TRPM3: variants seen among roughly 807,000 people sequenced by gnomAD.
TRPM3 encodes the protein long transient receptor potential channel 3.
Under a neutral mutation model 181.2 loss-of-function variants are expected in TRPM3, and 77 were observed. The observed-to-expected ratio is 0.42, with a 90% CI of 0.35 to 0.51. TRPM3 has a LOEUF of 0.51. Ranked by LOEUF, TRPM3 falls within the 20% of genes least tolerant of loss-of-function variation. The probability of loss-of-function intolerance (pLI) is 0.01; values close to 1 mark genes in which losing one functional copy is unlikely to be tolerated. For missense variants in TRPM3, 1,759 were observed against 2,196.7 expected (o/e 0.80, Z 3.98); for synonymous variants, 745 against 796.4 (o/e 0.94, Z 1.09).
At chr9:71,047,810 TCACACACACACACACACACACACACA>T (rs56653631) in intron 1 of TRPM3, among the ~76,000 whole-genome samples, 3 of 141,528 alleles carry the variant, frequency 2.1e-5, no homozygotes, top group Non-Finnish European at 4.6e-5. Context: ...ACTGGCTGCA[TCACACACACACACACACACACACACA>T]CACACACACA....
At chr9:71,392,880 A>G (rs1292034711) in intron 1 of TRPM3, among the ~76,000 whole-genome samples, 1 of 152,180 alleles carries the variant, frequency 6.6e-6, no homozygotes, top group South Asian at 2.1e-4. Flanking sequence ...TAATCATCAA[A>G]TGTTTTAGAG....
intron 1 of TRPM3, among the ~76,000 whole-genome samples, chr9:71,252,031 G>A (rs2082373754): frequency 1.3e-5 from 2 of 152,066 alleles, no homozygotes; most frequent in South Asian, 2.1e-4. Context: ...CCAATGATAA[G>A]ATCTCATTCT....
intron 1 of TRPM3, among the ~76,000 whole-genome samples, chr9:71,391,202 A>G (rs1420856191): frequency 6.6e-6 from 1 of 151,964 alleles, no homozygotes; most frequent in Non-Finnish European, 1.5e-5. Flanking sequence ...AATCTTTTAC[A>G]TGTTCTCTTA....
At chr9:70,998,459 G>T (rs748246118) in intron 1 of TRPM3, among the ~76,000 whole-genome samples, 2 of 151,954 alleles carry the variant, frequency 1.3e-5, no homozygotes, top group African/African-American at 2.4e-5. Flanking sequence ...AACACCCCCT[G>T]AGGGAGGTGA....
At chr9:70,552,306 C>G (rs2046659881) in intron 24 of TRPM3, among the ~76,000 whole-genome samples, 1 of 152,152 alleles carries the variant, frequency 6.6e-6, no homozygotes, top group Non-Finnish European at 1.5e-5. Context: ...AATAGAACCT[C>G]CTTTTAGAAA....
chr9:70,919,320 C>A (rs1306601026), intron 1 of TRPM3, among the ~76,000 whole-genome samples: 1 of 152,154 alleles, frequency 6.6e-6, no homozygotes, highest in Non-Finnish European at 1.5e-5. Context: ...TCAAACTGAG[C>A]CTTGTCCTAG....
At chr9:70,819,499 G>A (rs2092984516) in intron 6 of TRPM3, among the ~76,000 whole-genome samples, 1 of 152,038 alleles carries the variant, frequency 6.6e-6, no homozygotes, top group African/African-American at 2.4e-5. Context: ...TACTCTAGGT[G>A]GCTTCAACAG....
chr9:70,761,024 T>TA, intron 8 of TRPM3: 1 of 165,346 alleles, frequency 6.0e-6, no homozygotes, highest in Non-Finnish European at 1.3e-5. Context: ...AATGTTTGAG[T>TA]AAGCAGAGAA....
At chr9:71,055,867 C>G (rs2060598581) in intron 1 of TRPM3, among the ~76,000 whole-genome samples, 1 of 152,022 alleles carries the variant, frequency 6.6e-6, no homozygotes, top group Admixed American at 6.6e-5. Flanking sequence ...ACCCCTTTCT[C>G]TCTGTTGCTT....
At chr9:70,909,310 A>T (rs2096510558) in intron 1 of TRPM3, among the ~76,000 whole-genome samples, 1 of 152,106 alleles carries the variant, frequency 6.6e-6, no homozygotes, top group Non-Finnish European at 1.5e-5. Flanking sequence ...TCCACATAGG[A>T]CCTTACATTT....
At chr9:71,366,953 T>C (rs569724595) in intron 1 of TRPM3, among the ~76,000 whole-genome samples, 1 of 152,232 alleles carries the variant, frequency 6.6e-6, no homozygotes, top group South Asian at 2.1e-4. Context: ...AGTATTTAAT[T>C]TGCTGTTTTT....
chr9:70,661,285 A>G (rs1048258750), intron 9 of TRPM3, among the ~76,000 whole-genome samples: 8 of 152,248 alleles, frequency 5.3e-5, no homozygotes, highest in African/African-American at 1.9e-4. Context: ...GAAGGGACTT[A>G]CTTTAAAGTA....
chr9:71,182,514 A>G (rs1054349340), intron 1 of TRPM3, among the ~76,000 whole-genome samples: 4 of 152,102 alleles, frequency 2.6e-5, no homozygotes, highest in Non-Finnish European at 4.4e-5. Context: ...AAATGGCTCT[A>G]AACTTCATAA....
chr9:71,340,467 C>CTTGTGACAGTGAATA (rs1350078577), intron 1 of TRPM3, among the ~76,000 whole-genome samples: 1 of 152,034 alleles, frequency 6.6e-6, no homozygotes, highest in Non-Finnish European at 1.5e-5. Context: ...TCATGCTATT[C>CTTGTGACAGTGAATA]TTGTGACAGT....
At chr9:70,924,467 G>A (rs976168286) in intron 1 of TRPM3, among the ~76,000 whole-genome samples, 1 of 152,024 alleles carries the variant, frequency 6.6e-6, no homozygotes, top group Admixed American at 6.6e-5. Flanking sequence ...TCCATTTCCA[G>A]TATTTCAACA....
chr9:71,274,754 C>CT (rs1056088807), intron 1 of TRPM3, among the ~76,000 whole-genome samples: 3 of 152,198 alleles, frequency 2.0e-5, no homozygotes, highest in African/African-American at 4.8e-5. Flanking sequence ...AGGCATGCCA[C>CT]TTTATTTCTC....
chr9:70,790,430 T>A (rs1463128017), intron 6 of TRPM3, among the ~76,000 whole-genome samples: 1 of 152,210 alleles, frequency 6.6e-6, no homozygotes, highest in East Asian at 1.9e-4. Context: ...AGCTAAAGCA[T>A]GTCCCAGTAA....
rs764198698 is a variant in TRPM3, at chr9:70,827,984, A to C, written c.836T>G (p.Met279Arg). 1 of 1,614,048 alleles carries C rather than the reference A, an allele frequency of 6.2e-7. No individual in the cohort carries two copies. The highest frequency in any genetic ancestry group is 1.1e-5 in the South Asian group (1 of 91,062). The change falls in exon 6 of 26, where the codon ATG (methionine) becomes AGG (arginine). Residue 279 changes from methionine (M) to arginine (R), a missense_variant. By Grantham distance (91) the Met-to-Arg change is moderately conservative. Around this residue, in one of 8 missense-constraint regions of TRPM3, gnomAD observed 737 missense variants for 957.4 expected, o/e 0.77. Transcript: ENST00000677713. Reference protein sequence around the residue: ...VRPYQTMSNPMSKLTVLNSMH... With the variant: ...VRPYQTMSNPRSKLTVLNSMH... ...GCTGTTGAGAACAGTGAGCTTGCTC[A>C]TGGGATTGGACATGGTCTGGTATGG... is the stretch of plus-strand genomic sequence containing the variant.
chr9:71,167,088 GTTT>G (rs1026662030), intron 1 of TRPM3, among the ~76,000 whole-genome samples: 3 of 152,042 alleles, frequency 2.0e-5, no homozygotes, highest in African/African-American at 7.2e-5. Context: ...CCAAAAAAAA[GTTT>G]TAAAAATTCA....
Sources: gnomAD v4.1 joint callset for allele counts (sites outside exome capture counted in the v4.1 genomes callset) on GRCh38, gnomAD v4.1.1 for gene constraint, gnomAD v4.1.1 regional missense constraint, MANE v1.5 for transcripts, NCBI Gene and HGNC (gene_info 2026-07-23, HGNC 2026-07-21) for gene names.